Variants in FBXW11 observed in about 807,000 individuals in gnomAD.
FBXW11 encodes the protein F-box/WD repeat-containing protein 11.
A neutral mutation model predicts 77.6 loss-of-function variants in FBXW11; 19 were observed. The ratio of observed to expected loss-of-function variants is 0.24; its 90% CI spans 0.17 to 0.36. FBXW11 has a LOEUF of 0.36. FBXW11 is among the 10% of genes least tolerant of loss of function. FBXW11 has a pLI of 1.00. For missense variants in FBXW11, 334 were observed against 704.2 expected, an observed-to-expected ratio of 0.47 and a Z score of 5.95; for synonymous variants, 235 against 249.4, an observed-to-expected ratio of 0.94 and a Z score of 0.54.
intron 4 of FBXW11, among the ~76,000 whole-genome samples, chr5:171,905,377 T>A (rs758023433): frequency 1.3e-5 from 2 of 152,184 alleles, no homozygotes; most frequent in Admixed American, 1.3e-4. Flanking sequence ...TCATTTTACA[T>A]AGAGGGAACC....
At chr5:171,935,627 GAGAA>G (rs1762432902) in intron 2 of FBXW11, among the ~76,000 whole-genome samples, 1 of 151,922 alleles carries the variant, frequency 6.6e-6, no homozygotes, top group Non-Finnish European at 1.5e-5. Flanking sequence ...AACCTTTAAA[GAGAA>G]AGAGCATTAA....
At chr5:171,964,676 A>G (rs1581038023) in intron 1 of FBXW11, among the ~76,000 whole-genome samples, 1 of 152,360 alleles carries the variant, frequency 6.6e-6, no homozygotes, top group East Asian at 1.9e-4. Context: ...ATGGCAACCT[A>G]TAAGAAAGAG....
chr5:171,946,805 C>CTTT (rs70982356), intron 2 of FBXW11, among the ~76,000 whole-genome samples: 1 of 58,634 alleles, frequency 1.7e-5, no homozygotes, highest in African/African-American at 7.9e-5. Context: ...GTGTACTTTA[C>CTTT]TTTTTTTTTT....
intron 8 of FBXW11, among the ~76,000 whole-genome samples, chr5:171,877,638 C>CATGCTTCAAGCAGGGGTGGCG (rs1258153865): frequency 2.0e-5 from 3 of 152,028 alleles, no homozygotes; most frequent in African/African-American, 4.8e-5. Flanking sequence ...GGATACTAAG[C>CATGCTTCAAGCAGGGGTGGCG]ATGCTTCAAG....
intron 3 of FBXW11, 83 bp downstream of exon 3, chr5:171,914,260 G>T (rs1761080534): frequency 5.2e-6 from 6 of 1,159,040 alleles, no homozygotes; most frequent in Non-Finnish European, 7.3e-6. Context: ...CTTGGCTCTT[G>T]ATTCCACTGA....
At chr5:171,890,926 G>GT (rs1453397984) in intron 7 of FBXW11, among the ~76,000 whole-genome samples, 1 of 152,052 alleles carries the variant, frequency 6.6e-6, no homozygotes, top group South Asian at 2.1e-4. Context: ...AAGTTATAAT[G>GT]TTTTTTTACA....
At chr5:171,986,984 G>A (rs184778454) in intron 1 of FBXW11, among the ~76,000 whole-genome samples, 266 of 152,254 alleles carry the variant, frequency 1.7e-3, no homozygotes, top group Non-Finnish European at 3.0e-3. Flanking sequence ...CCTGTCAGAT[G>A]ATCAGCCCAG....
intron 1 of FBXW11, among the ~76,000 whole-genome samples, chr5:171,971,134 T>C (rs1393814454): frequency 6.6e-6 from 1 of 152,208 alleles, no homozygotes; most frequent in Non-Finnish European, 1.5e-5. Context: ...TCTAGTCTAG[T>C]TCCTCTAAAT....
chr5:171,892,870 A>G (rs554219978), intron 6 of FBXW11, among the ~76,000 whole-genome samples: 2 of 152,300 alleles, frequency 1.3e-5, no homozygotes, highest in South Asian at 2.1e-4. Flanking sequence ...TGTACAGCTA[A>G]AAGTCTAATT....
intron 1 of FBXW11, among the ~76,000 whole-genome samples, chr5:171,958,786 T>C (rs1415103429): frequency 6.6e-6 from 1 of 152,196 alleles, no homozygotes; most frequent in Non-Finnish European, 1.5e-5. Context: ...AATACTCATG[T>C]AACAAAAATT....
intron 2 of FBXW11, among the ~76,000 whole-genome samples, chr5:171,950,633 C>T (rs1172344188): frequency 1.3e-5 from 2 of 152,160 alleles, no homozygotes; most frequent in African/African-American, 4.8e-5. Context: ...TGCCTGTAAT[C>T]CCAGCACTTT....
At chr5:172,000,214 A>G (rs1766331308) in intron 1 of FBXW11, among the ~76,000 whole-genome samples, 1 of 152,260 alleles carries the variant, frequency 6.6e-6, no homozygotes, top group Non-Finnish European at 1.5e-5. Context: ...TATTCTGTTA[A>G]GGTTAAAACC....
At chr5:171,988,285 A>G (rs1260022499) in intron 1 of FBXW11, among the ~76,000 whole-genome samples, 1 of 152,154 alleles carries the variant, frequency 6.6e-6, no homozygotes, top group Non-Finnish European at 1.5e-5. Context: ...CCTTATGGAA[A>G]TATAAGGTGA....
At chr5:171,936,309 C>G (rs1023330507) in intron 2 of FBXW11, among the ~76,000 whole-genome samples, 1 of 151,438 alleles carries the variant, frequency 6.6e-6, no homozygotes, top group South Asian at 2.1e-4. Flanking sequence ...CTAGGCAACA[C>G]AGCAAGACCC....
intron 1 of FBXW11, among the ~76,000 whole-genome samples, chr5:172,003,542 C>G (rs1212121964): frequency 6.6e-6 from 1 of 152,090 alleles, no homozygotes; most frequent in Non-Finnish European, 1.5e-5. Flanking sequence ...ATATAAGGCC[C>G]TAAAAGTCAT....
chr5:171,878,577 T>A (rs1581135277), intron 7 of FBXW11, among the ~76,000 whole-genome samples: 2 of 66,740 alleles, frequency 3.0e-5, no homozygotes, highest in East Asian at 5.8e-4. Flanking sequence ...TGTGTGTGTG[T>A]GTGTGTGTGT....
chr5:171,885,309 A>G (rs1342564624), intron 7 of FBXW11, among the ~76,000 whole-genome samples: 1 of 152,166 alleles, frequency 6.6e-6, no homozygotes, highest in Non-Finnish European at 1.5e-5. Flanking sequence ...AAAACTCACA[A>G]AAGTGTGGTG....
intron 13 of FBXW11, among the ~76,000 whole-genome samples, chr5:171,866,062 C>T (rs1015007621): frequency 2.6e-4 from 40 of 152,028 alleles, no homozygotes; most frequent in African/African-American, 9.7e-4. Context: ...GTCAGGAGTT[C>T]GAGACCAGCC....
chr5:171,905,343 C>T (rs1210330942), intron 4 of FBXW11, among the ~76,000 whole-genome samples: 1 of 152,158 alleles, frequency 6.6e-6, no homozygotes, highest in Non-Finnish European at 1.5e-5. Flanking sequence ...CAATAACCTT[C>T]TGAGATAGGT....
Sources: gnomAD v4.1 joint callset for allele counts (sites outside exome capture counted in the v4.1 genomes callset) on GRCh38, gnomAD v4.1.1 for gene constraint, MANE v1.5 for transcripts, NCBI Gene and HGNC (gene_info 2026-07-23, HGNC 2026-07-21) for gene names.